The following DTX4 variants were observed in gnomAD, a reference collection of about 807,000 sequenced individuals.
DTX4 encodes the protein E3 ubiquitin-protein ligase DTX4.
DTX4 carries 28 observed loss-of-function variants against 57.6 expected under a neutral mutation model. That is an observed-to-expected ratio of 0.49 (90% CI 0.36 to 0.67). The LOEUF (loss-of-function observed/expected upper bound fraction) is 0.67, where lower values mean the gene tolerates loss of function less well. Ranked by LOEUF, DTX4 falls within the 30% of genes least tolerant of loss-of-function variation. The pLI is 0.00. For missense variants in DTX4, 715 were observed against 836.8 expected (o/e 0.85, Z 1.80); for synonymous variants, 316 against 331.0 (o/e 0.95, Z 0.49).
rs1267504009 is a variant in DTX4, at chr11:59,205,249, G to A, written c.*340G>A. ...ACACCTAGGGTATGGGCAGTGCTTA[G>A]GCACTCCATATCCTGGCTTTGGGAA... is the stretch of plus-strand genomic sequence containing the variant. On this transcript the variant is annotated 3_prime_UTR_variant, in exon 9 of 9. Transcript: ENST00000227451. The A allele has an allele frequency of 4.1e-6, 1 of 243,470 alleles. No individual in the cohort carries two copies. Among genetic ancestry groups the A allele is most frequent in the Non-Finnish European group, 8.3e-6 (1 of 120,446 alleles). The allele number at this position is 243,470 out of a possible 1,614,324, so 15.1% of individuals were successfully genotyped here. A position where few individuals can be genotyped will look rare whatever the true frequency, so the allele number is the denominator to read the frequency against.
chr11:59,181,910 C>T lies in DTX4; in HGVS notation c.383C>T (p.Ser128Phe), dbSNP rs1204482444. The change falls in exon 2 of 9, where the codon TCC becomes TTC. Residue 128 changes from serine (S) to phenylalanine (F), a missense_variant. Ser to Phe is a radical substitution (Grantham distance 155). Coordinates refer to ENST00000227451, the MANE Select transcript of DTX4 (RefSeq NM_015177.2). ...CAGCACCCCTGGATCGACCTCACTT[C>T]CATTGGCTTTAGCTACGTAATTGAC... ...EKQHPWIDLT[S>F]IGFSYVIDFN... The T allele has an allele frequency of 2.5e-6, 4 of 1,613,898 alleles. No individual in the cohort carries two copies. The highest frequency in any genetic ancestry group is 3.4e-6 in the Non-Finnish European group (4 of 1,179,888).
intron 1 of DTX4, 147 bp downstream of exon 1, chr11:59,172,953 A>C: frequency 1.8e-6 from 1 of 549,328 alleles, no homozygotes; most frequent in Non-Finnish European, 3.2e-6. Flanking sequence ...GAGGCGATTC[A>C]CTCCGCTGAA....
At chr11:59,203,890 T>G (rs75290663) in intron 8 of DTX4, among the ~76,000 whole-genome samples, 121 of 152,324 alleles carry the variant, frequency 7.9e-4, no homozygotes, top group African/African-American at 2.8e-3. Context: ...AATGTCTGCT[T>G]TCATTACTAA....
rs757947767 is a variant in DTX4, at chr11:59,192,203, G to A, written c.1327G>A (p.Val443Ile). The change falls in exon 6 of 9, where the codon GTC becomes ATC. Residue 443 changes from valine (V) to isoleucine (I), a missense_variant. Coordinates refer to ENST00000227451, the MANE Select transcript of DTX4 (RefSeq NM_015177.2). ...AGGGAAGCTGTCCAGATGCGGCCAC[G>A]TCTACCACATCTACTGCTTGGTTGC... The part of the protein sequence containing the change: ...LVGKLSRCGH[V>I]YHIYCLVAMY... The A allele has an allele frequency of 1.6e-5, 26 of 1,613,808 alleles. No individual in the cohort carries two copies. The highest frequency in any genetic ancestry group is 6.7e-5 in the African/African-American group (5 of 74,890).
intron 2 of DTX4, among the ~76,000 whole-genome samples, chr11:59,186,087 C>T (rs1250195470): frequency 2.0e-5 from 3 of 152,142 alleles, no homozygotes; most frequent in Non-Finnish European, 4.4e-5. Context: ...CCCTTCTCCC[C>T]AGACCCCTCC....
intron 2 of DTX4, among the ~76,000 whole-genome samples, chr11:59,183,970 AG>A (rs1459037905): frequency 6.6e-6 from 1 of 152,238 alleles, no homozygotes; most frequent in East Asian, 1.9e-4. Flanking sequence ...GTTATGCAAT[AG>A]GGGTTGGAAC....
At chr11:59,184,089 T>C (rs1862498270) in intron 2 of DTX4, among the ~76,000 whole-genome samples, 1 of 152,220 alleles carries the variant, frequency 6.6e-6, no homozygotes, top group Admixed American at 6.5e-5. Context: ...GCATGAGATT[T>C]TCATGACTTC....
rs759911230 is a variant in DTX4, at chr11:59,189,278, G to C, written c.1114G>C (p.Val372Leu). 1 of 1,565,102 alleles carries C rather than the reference G, an allele frequency of 6.4e-7. No homozygotes were observed. Among genetic ancestry groups the C allele is most frequent in the Non-Finnish European group, 8.6e-7 (1 of 1,156,542 alleles). The change falls in exon 4 of 9, where the codon GTT (valine) becomes CTT (leucine). Residue 372 changes from valine to leucine, a missense_variant. Val to Leu is a conservative substitution (Grantham distance 32). Coordinates refer to ENST00000227451, the MANE Select transcript of DTX4 (RefSeq NM_015177.2). The stretch of plus-strand genomic sequence containing the variant: ...GAGTGAAATAAAATCCATCCCAGGG[G>C]TTTCCAACACAAGCCGCAAGACCAC... ...SKSEIKSIPG[V>L]SNTSRKTTKK...
At chr11:59,197,463 C>T (rs1368904543) in intron 7 of DTX4, among the ~76,000 whole-genome samples, 3 of 151,968 alleles carry the variant, frequency 2.0e-5, no homozygotes, top group Non-Finnish European at 4.4e-5. Flanking sequence ...AAGACTAGGC[C>T]GTGAGGGAGG....
chr11:59,204,402 G>C lies in DTX4; in HGVS notation c.1627-274G>C, dbSNP rs554667672. On this transcript the variant is annotated intron_variant, in intron 8 of 8. Transcript: ENST00000227451. Reference sequence around the variant, plus strand: ...TCCAGTAAGATGTTCACAACGTTTAGAGGCAGATTGTACCATTGCCATTTC... The same window carrying C: ...TCCAGTAAGATGTTCACAACGTTTACAGGCAGATTGTACCATTGCCATTTC... 2.6e-5 allele frequency among the ~76,000 whole-genome samples: 4 copies of C among 152,324 alleles called. No homozygotes were observed. The South Asian group carries it at 8.3e-4, about 32-fold the overall frequency.
At chr11:59,183,520 A>G (rs1862491603) in intron 2 of DTX4, among the ~76,000 whole-genome samples, 1 of 152,010 alleles carries the variant, frequency 6.6e-6, no homozygotes, top group South Asian at 2.1e-4. Flanking sequence ...CAGCCACCCA[A>G]TCTTCCCTTT....
chr11:59,184,776 T>A (rs1862507380), intron 2 of DTX4, among the ~76,000 whole-genome samples: 1 of 152,150 alleles, frequency 6.6e-6, no homozygotes, highest in South Asian at 2.1e-4. Context: ...TGTTTTCTTT[T>A]TTTTCTCTCT....
chr11:59,173,893 G>A (rs1342766759), intron 1 of DTX4, among the ~76,000 whole-genome samples: 1 of 152,262 alleles, frequency 6.6e-6, no homozygotes, highest in East Asian at 1.9e-4. Flanking sequence ...CAGGTGGGGA[G>A]GGGGCCATTG....
chr11:59,203,908 A>G (rs1862770529), intron 8 of DTX4, among the ~76,000 whole-genome samples: 1 of 152,210 alleles, frequency 6.6e-6, no homozygotes, highest in South Asian at 2.1e-4. Context: ...TAATACTATT[A>G]TGGTTTCCTC....
chr11:59,198,114 C>T (rs1590989080), intron 7 of DTX4, among the ~76,000 whole-genome samples: 1 of 152,198 alleles, frequency 6.6e-6, no homozygotes, highest in African/African-American at 2.4e-5. Context: ...TGTGAGGAGT[C>T]GAGACCTTCA....
At chr11:59,171,728 G>C (rs1862325687), upstream of DTX4, among the ~76,000 whole-genome samples, 1 of 152,170 alleles carries the variant, frequency 6.6e-6, no homozygotes, top group Non-Finnish European at 1.5e-5. Context: ...GTTGGGGTGC[G>C]CGCGCGTGTG....
chr11:59,172,870 C>A (rs954501414), intron 1 of DTX4, 64 bp downstream of exon 1: 1 of 1,360,120 alleles, frequency 7.4e-7, no homozygotes, highest in Non-Finnish European at 9.9e-7. Context: ...CAAGGTACCT[C>A]CCTCCCTGTG....
chr11:59,174,999 G>A (rs1862377977), intron 1 of DTX4, among the ~76,000 whole-genome samples: 1 of 152,168 alleles, frequency 6.6e-6, no homozygotes. Context: ...AGAAAAGCTG[G>A]GTCTGTCAGG....
chr11:59,195,600 CCCTT>C (rs1862656539), intron 7 of DTX4, among the ~76,000 whole-genome samples: 1 of 152,122 alleles, frequency 6.6e-6, no homozygotes, highest in Non-Finnish European at 1.5e-5. Flanking sequence ...ATCCACCCTT[CCCTT>C]TTTTTTTTCA....
Sources: allele counts gnomAD v4.1 joint callset (sites outside exome capture counted in the v4.1 genomes callset), GRCh38; gene constraint gnomAD v4.1.1; transcripts MANE v1.5; gene names NCBI Gene and HGNC (gene_info 2026-07-23, HGNC 2026-07-21).